Variants in FLVCR1 observed in about 807,000 individuals in gnomAD.
FLVCR1 encodes the protein choline/ethanolamine transporter FLVCR1.
FLVCR1 carries 34 observed loss-of-function variants against 53.6 expected under a neutral mutation model. The ratio of observed to expected loss-of-function variants is 0.63; its 90% CI spans 0.48 to 0.84. The LOEUF (loss-of-function observed/expected upper bound fraction) is 0.84, where lower values mean the gene tolerates loss of function less well. Among genes scored for constraint, FLVCR1 ranks in the 40% least tolerant of loss-of-function variants. The pLI is 0.00. For missense variants in FLVCR1, 677 were observed against 696.7 expected, an observed-to-expected ratio of 0.97 and a Z score of 0.32; for synonymous variants, 300 against 286.3, an observed-to-expected ratio of 1.05 and a Z score of -0.48.
intron 4 of FLVCR1, among the ~76,000 whole-genome samples, chr1:212,884,514 A>C (rs1181386329): frequency 6.6e-6 from 1 of 152,214 alleles, no homozygotes; most frequent in Admixed American, 6.5e-5. Flanking sequence ...ATATGGAAAA[A>C]GACAAAACAT....
At chr1:212,868,669 A>G (rs560582360) in intron 2 of FLVCR1, among the ~76,000 whole-genome samples, 20 of 152,266 alleles carry the variant, frequency 1.3e-4, no homozygotes, top group African/African-American at 4.6e-4. Context: ...TCGGCCTCCC[A>G]AAGTGCTGGG....
At position 212,886,840 on chromosome 1, in the gene FLVCR1, C is replaced by T. The variant is rs758940430; in HGVS notation, c.1197-1051C>T. On this transcript the variant is annotated intron_variant, in intron 5 of 9. Coordinates refer to ENST00000366971, the MANE Select transcript of FLVCR1 (RefSeq NM_014053.4). ...AAAAGAATATACTCTGTTAATTGTA[C>T]ATTATATGGAACCACCAAAAGGCTA... Among the ~76,000 whole-genome samples, 7 of 151,868 alleles carry T rather than the reference C, an allele frequency of 4.6e-5. No individual in the cohort carries two copies. The East Asian group carries it at 5.8e-4, about 13-fold the overall frequency.
Position 212,891,317 on chromosome 1 carries a change from CA to C in FLVCR1, c.1525+2061del, listed in dbSNP as rs1665186246. ...ATCTCAGCTACTTGGGAGGCTGAGG[CA>C]GAAGAATTGCTTGAATCTGGGAGGC... On this transcript the variant is annotated intron_variant, in intron 8 of 9. Coordinates refer to ENST00000366971, the MANE Select transcript of FLVCR1 (RefSeq NM_014053.4). 1.4e-4 allele frequency among the ~76,000 whole-genome samples: 8 copies of C among 58,916 alleles called. 1 individual carries two copies. The South Asian group carries it at 3.6e-3, about 26-fold the overall frequency. 38.7% of individuals were successfully genotyped at this position (58,916 alleles called of 152,430 possible).
At chr1:212,885,571 G>A (rs12078035) in intron 5 of FLVCR1, 175 bp downstream of exon 5, 4 of 269,522 alleles carry the variant, frequency 1.5e-5, no homozygotes, top group South Asian at 8.6e-5. Context: ...TTTTTTTTGA[G>A]ACGGAGTCTC....
intron 2 of FLVCR1, among the ~76,000 whole-genome samples, chr1:212,869,105 C>T (rs1664527288): frequency 6.6e-6 from 1 of 152,042 alleles, no homozygotes; most frequent in South Asian, 2.1e-4. Context: ...GTAAAAGTAG[C>T]CCTAAACAGC....
chr1:212,885,550 C>CTTTT (rs539282150), intron 5 of FLVCR1, 154 bp downstream of exon 5: 4,377 of 294,736 alleles, frequency 0.015, 5 homozygotes, highest in South Asian at 0.025. Flanking sequence ...ACAAGTGTTT[C>CTTTT]TTTTTTTTTT....
At chr1:212,881,622 A>G (rs1344182857) in intron 3 of FLVCR1, among the ~76,000 whole-genome samples, 2 of 152,066 alleles carry the variant, frequency 1.3e-5, no homozygotes, top group African/African-American at 4.8e-5. Context: ...CAGCCTCCCA[A>G]AGTGTTGGGA....
intron 3 of FLVCR1, among the ~76,000 whole-genome samples, chr1:212,873,767 A>C (rs902415727): frequency 6.6e-6 from 1 of 152,166 alleles, no homozygotes; most frequent in African/African-American, 2.4e-5. Context: ...TCTGTTTCAC[A>C]TTTTTTGGGG....
chr1:212,874,611 C>T (rs1208408001), intron 3 of FLVCR1, among the ~76,000 whole-genome samples: 1 of 149,224 alleles, frequency 6.7e-6, no homozygotes, highest in Non-Finnish European at 1.5e-5. Flanking sequence ...TCACTGCAAC[C>T]TCCACCTCTC....
At chr1:212,888,173 A>G (rs988226939) in intron 6 of FLVCR1, among the ~76,000 whole-genome samples, 172 bp downstream of exon 6, 2 of 152,248 alleles carry the variant, frequency 1.3e-5, no homozygotes, top group African/African-American at 4.8e-5. Flanking sequence ...ATTAAAAATT[A>G]TTTAAAATTG....
chr1:212,888,612 C>G lies in FLVCR1; in HGVS notation c.1413+18C>G, dbSNP rs1309874072. On this transcript the variant is annotated intron_variant, in intron 7 of 9. Transcript: ENST00000366971. ...CTGCACAGGTAAACCTCTGATTTCT[C>G]TAAACCTGAGATGATTATTATACCA... is the stretch of plus-strand genomic sequence containing the variant. The G allele has an allele frequency of 1.4e-6, 2 of 1,469,490 alleles. No homozygotes were observed. Among genetic ancestry groups the G allele is most frequent in the Admixed American group, 1.7e-5 (1 of 59,810 alleles). The allele number at this position is 1,469,490 out of a possible 1,614,324, so 91.0% of individuals were successfully genotyped here.
chr1:212,864,442 T>G (rs1372199220), intron 2 of FLVCR1: 1 of 155,252 alleles, frequency 6.4e-6, no homozygotes, highest in Non-Finnish European at 1.4e-5. Flanking sequence ...AGTCCTCTCG[T>G]CTGAGCCTGT....
In FLVCR1 at chr1:212,895,559, A is replaced by G. The variant is rs910029636; in HGVS notation, c.*269A>G. 2.9e-5 allele frequency: 13 copies of G among 452,434 alleles called. No individual in the cohort carries two copies. The highest frequency in any genetic ancestry group is 4.0e-6 in the Non-Finnish European group (1 of 250,494). The allele number at this position is 452,434 out of a possible 1,614,324, so 28.0% of individuals were successfully genotyped here. A position where few individuals can be genotyped will look rare whatever the true frequency, so the allele number is the denominator to read the frequency against. On this transcript the variant is annotated 3_prime_UTR_variant, in exon 10 of 10. Coordinates refer to ENST00000366971, the MANE Select transcript of FLVCR1 (RefSeq NM_014053.4). ...TTTTTAGTCTCATATTGTATCTGAA[A>G]GTAAGCTTCTTGACGTTTACTTTTT...
chr1:212,875,473 C>T (rs558911499), intron 3 of FLVCR1, among the ~76,000 whole-genome samples: 26 of 152,164 alleles, frequency 1.7e-4, no homozygotes, highest in South Asian at 1.0e-3. Flanking sequence ...ATGGCACCAG[C>T]GAGGGTGTTA....
chr1:212,860,350 G>GTGTTTTTTTTTTTTTTTTTTTT lies in FLVCR1; in HGVS notation c.738+1161_738+1162insGTTTTTTTTTTTTTTTTTTTTT, dbSNP rs1664185756. Among the ~76,000 whole-genome samples the GTGTTTTTTTTTTTTTTTTTTTT allele has an allele frequency of 7.0e-5, 6 of 85,850 alleles. 1 individual carries two copies. Among genetic ancestry groups the GTGTTTTTTTTTTTTTTTTTTTT allele is most frequent in the East Asian group, 8.2e-4 (2 of 2,432 alleles). The allele number at this position is 85,850 out of a possible 152,430, so 56.3% of individuals were successfully genotyped here. Reference sequence around the variant, plus strand: ...TATTATAAAGTTTTTTGTGTGTGTGGTTTTTTTTTTTTTTTTTTGTAGAAA... The same window carrying GTGTTTTTTTTTTTTTTTTTTTT: ...TATTATAAAGTTTTTTGTGTGTGTGGTGTTTTTTTTTTTTTTTTTTTTTTTTTTTTTTTTTTTTTTGTAGAAA... On this transcript the variant is annotated intron_variant, in intron 1 of 9. Transcript: ENST00000366971.
At chr1:212,874,303 C>T (rs1664690752) in intron 3 of FLVCR1, among the ~76,000 whole-genome samples, 1 of 152,134 alleles carries the variant, frequency 6.6e-6, no homozygotes, top group South Asian at 2.1e-4. Context: ...CCAAAATGCC[C>T]GGCCTTTCCT....
chr1:212,874,850 T>C (rs923297482), intron 3 of FLVCR1, among the ~76,000 whole-genome samples: 1 of 151,760 alleles, frequency 6.6e-6, no homozygotes, highest in African/African-American at 2.4e-5. Context: ...ATCACTCTTT[T>C]ATCACTCACT....
intron 1 of FLVCR1, 88 bp from the exon 2 acceptor site, chr1:212,863,637 T>C: frequency 3.6e-6 from 4 of 1,117,322 alleles, no homozygotes; most frequent in Non-Finnish European, 5.5e-6. Context: ...TTATAAACAC[T>C]AGCTGTCCTC....
chr1:212,891,580 T>A (rs1004517378), intron 8 of FLVCR1, among the ~76,000 whole-genome samples: 1 of 152,116 alleles, frequency 6.6e-6, no homozygotes, highest in African/African-American at 2.4e-5. Flanking sequence ...TGAAAATAGA[T>A]CTTTAAAATT....
Sources: allele counts gnomAD v4.1 joint callset (sites outside exome capture counted in the v4.1 genomes callset), GRCh38; gene constraint gnomAD v4.1.1; transcripts MANE v1.5; gene names NCBI Gene and HGNC (gene_info 2026-07-23, HGNC 2026-07-21).